The following ARHGAP10 variants were observed in gnomAD, a reference collection of about 807,000 sequenced individuals.
ARHGAP10 encodes Rho GTPase activating protein 10.
A neutral mutation model predicts 108.6 loss-of-function variants in ARHGAP10; 87 were observed. The ratio of observed to expected loss-of-function variants is 0.80; its 90% confidence interval spans 0.67 to 0.96. The LOEUF is 0.96. Ranked by LOEUF, ARHGAP10 falls within the 40% of genes least tolerant of loss-of-function variation. The pLI, the probability that ARHGAP10 is intolerant of heterozygous loss-of-function variation, is 0.00. For missense variants in ARHGAP10, 939 were observed against 954.5 expected (o/e 0.98, Z 0.21); for synonymous variants, 347 against 341.1 (o/e 1.02, Z -0.19).
chr4:147,770,205 A>G (rs1442345608), intron 1 of ARHGAP10, among the ~76,000 whole-genome samples: 1 of 152,138 alleles, frequency 6.6e-6, no homozygotes, highest in Non-Finnish European at 1.5e-5. Context: ...AGACTTGCTG[A>G]TACAGTAGTA....
At chr4:147,901,198 CTT>C (rs1736221087) in intron 10 of ARHGAP10, among the ~76,000 whole-genome samples, 1 of 152,136 alleles carries the variant, frequency 6.6e-6, no homozygotes, top group Admixed American at 6.5e-5. Context: ...AAAAGAAAAA[CTT>C]GAGAAATTTG....
At chr4:147,881,266 G>C (rs964346861) in intron 9 of ARHGAP10, among the ~76,000 whole-genome samples, 29 of 144,350 alleles carry the variant, frequency 2.0e-4, no homozygotes, top group Non-Finnish European at 3.3e-4. Context: ...GAGCAAGACT[G>C]TCAAAAAAAA....
intron 1 of ARHGAP10, among the ~76,000 whole-genome samples, chr4:147,767,718 A>G (rs1729894601): frequency 6.6e-6 from 1 of 152,136 alleles, no homozygotes; most frequent in Admixed American, 6.6e-5. Context: ...ATATAATGAG[A>G]TTACATACCT....
intron 19 of ARHGAP10, among the ~76,000 whole-genome samples, chr4:148,026,201 CTG>C (rs1024707663): frequency 2.0e-5 from 3 of 152,152 alleles, no homozygotes; most frequent in African/African-American, 4.8e-5. Context: ...GAGTATGAAA[CTG>C]TGTGATGTCC....
At chr4:148,057,804 C>T (rs1002733974) in intron 20 of ARHGAP10, among the ~76,000 whole-genome samples, 8 of 152,242 alleles carry the variant, frequency 5.3e-5, no homozygotes, top group African/African-American at 1.9e-4. Flanking sequence ...ACTCACTTGG[C>T]TGCAGAGCAG....
intron 1 of ARHGAP10, among the ~76,000 whole-genome samples, chr4:147,742,788 G>A (rs1728739169): frequency 6.6e-6 from 1 of 151,546 alleles, no homozygotes; most frequent in African/African-American, 2.4e-5. Context: ...CCCAGCGCAT[G>A]TTTTTTTCTT....
At chr4:147,848,028 T>A (rs1304632836) in intron 4 of ARHGAP10, among the ~76,000 whole-genome samples, 1 of 152,002 alleles carries the variant, frequency 6.6e-6, no homozygotes. Context: ...TAACATCAAT[T>A]TTAGGTAGGG....
intron 13 of ARHGAP10, among the ~76,000 whole-genome samples, chr4:147,913,603 C>T (rs555838277): frequency 2.0e-5 from 3 of 152,090 alleles, no homozygotes; most frequent in African/African-American, 4.8e-5. Flanking sequence ...TTTTACATGT[C>T]GAAGTTTCTT....
chr4:147,850,806 T>G (rs753751986), intron 4 of ARHGAP10, among the ~76,000 whole-genome samples: 9 of 152,182 alleles, frequency 5.9e-5, no homozygotes, highest in Non-Finnish European at 1.2e-4. Flanking sequence ...CCTAGCTGAG[T>G]TCTTATTTTC....
intron 10 of ARHGAP10, among the ~76,000 whole-genome samples, chr4:147,892,281 C>A (rs945430726): frequency 1.3e-5 from 2 of 152,142 alleles, no homozygotes; most frequent in Non-Finnish European, 2.9e-5. Flanking sequence ...TGATGCTGTA[C>A]CGTTTCTCAA....
chr4:147,832,571 T>C (rs1440487392), intron 3 of ARHGAP10, among the ~76,000 whole-genome samples: 1 of 132,996 alleles, frequency 7.5e-6, no homozygotes, highest in East Asian at 2.4e-4. Flanking sequence ...CGCTTGAACC[T>C]GGAAGGCGGA....
intron 18 of ARHGAP10, among the ~76,000 whole-genome samples, chr4:147,999,247 C>A (rs1328225318): frequency 6.6e-6 from 1 of 152,214 alleles, no homozygotes; most frequent in African/African-American, 2.4e-5. Flanking sequence ...AATAGCCAAT[C>A]ATCTATCACC....
At chr4:148,006,141 G>T (rs886447565) in intron 18 of ARHGAP10, among the ~76,000 whole-genome samples, 1 of 152,166 alleles carries the variant, frequency 6.6e-6, no homozygotes, top group Non-Finnish European at 1.5e-5. Context: ...GTTCTTTTCT[G>T]GAGGAAGCCA....
intron 13 of ARHGAP10, among the ~76,000 whole-genome samples, chr4:147,938,433 T>C (rs1738037748): frequency 6.6e-6 from 1 of 152,180 alleles, no homozygotes; most frequent in Admixed American, 6.5e-5. Context: ...GGAACAAAAC[T>C]TGACAAGGAA....
At chr4:148,068,239 G>A (rs1226823597) in intron 22 of ARHGAP10, among the ~76,000 whole-genome samples, 1 of 152,190 alleles carries the variant, frequency 6.6e-6, no homozygotes, top group Non-Finnish European at 1.5e-5. Flanking sequence ...ACCCCACGTG[G>A]CAGCGGCAGC....
chr4:147,762,526 T>TTTTATG (rs1729632944), intron 1 of ARHGAP10, among the ~76,000 whole-genome samples: 1 of 108,946 alleles, frequency 9.2e-6, no homozygotes, highest in African/African-American at 3.2e-5. Flanking sequence ...TTATTTTTAT[T>TTTTATG]TATTTATTTA....
chr4:147,940,743 G>A (rs1738137585), intron 14 of ARHGAP10, among the ~76,000 whole-genome samples: 1 of 152,158 alleles, frequency 6.6e-6, no homozygotes, highest in African/African-American at 2.4e-5. Flanking sequence ...AAACATTACA[G>A]CAAAGAGTCA....
intron 18 of ARHGAP10, among the ~76,000 whole-genome samples, chr4:147,970,488 G>A (rs1469633266): frequency 6.6e-6 from 1 of 152,148 alleles, no homozygotes. Flanking sequence ...GCCTATGTGT[G>A]TCACTGACAG....
At chr4:147,964,785 G>C (rs1000135568) in intron 16 of ARHGAP10, among the ~76,000 whole-genome samples, 1 of 152,164 alleles carries the variant, frequency 6.6e-6, no homozygotes, top group Non-Finnish European at 1.5e-5. Flanking sequence ...AAAAGGCACC[G>C]ATTGCAGCCA....
Sources: gnomAD v4.1 joint callset for allele counts (sites outside exome capture counted in the v4.1 genomes callset) on GRCh38, gnomAD v4.1.1 for gene constraint, MANE v1.5 for transcripts, NCBI Gene and HGNC (gene_info 2026-07-23, HGNC 2026-07-21) for gene names.